The following UPF2 variants were observed in gnomAD, a reference collection of about 807,000 sequenced individuals.
The protein encoded by UPF2 is UPF2 regulator of nonsense mediated mRNA decay, also known as regulator of nonsense transcripts 2.
A neutral mutation model predicts 141.4 loss-of-function variants in UPF2; 17 were observed. That is an observed-to-expected ratio of 0.12 (90% CI 0.08 to 0.18). The LOEUF is 0.18. UPF2 is among the 10% of genes least tolerant of loss of function. The probability of loss-of-function intolerance (pLI) is 1.00; values close to 1 mark genes in which losing one functional copy is unlikely to be tolerated. For synonymous variants in UPF2, 540 were observed against 498.0 expected (o/e 1.08, Z -1.12); for missense variants, 1,152 against 1,515.9 (o/e 0.76, Z 3.99).
chr10:11,983,275 A>G (rs185457180), intron 8 of UPF2, among the ~76,000 whole-genome samples: 18 of 152,320 alleles, frequency 1.2e-4, no homozygotes, highest in Admixed American at 7.2e-4. Flanking sequence ...TCACATAGTT[A>G]CTTACTCTCC....
chr10:12,028,045 C>T (rs1254202034), intron 3 of UPF2, among the ~76,000 whole-genome samples: 2 of 152,188 alleles, frequency 1.3e-5, no homozygotes, highest in Non-Finnish European at 2.9e-5. Context: ...GCAACTCCAT[C>T]AACTTCTAGC....
intron 2 of UPF2, among the ~76,000 whole-genome samples, chr10:12,033,022 GA>G (rs1834555385): frequency 6.6e-6 from 1 of 152,104 alleles, no homozygotes; most frequent in Non-Finnish European, 1.5e-5. Flanking sequence ...AAAATGGGAA[GA>G]AAGTAGAAGT....
chr10:11,984,067 G>A (rs979281506), intron 8 of UPF2, among the ~76,000 whole-genome samples: 2 of 152,050 alleles, frequency 1.3e-5, no homozygotes, highest in Non-Finnish European at 2.9e-5. Context: ...GGGATTACAG[G>A]TATGCACCAC....
chr10:11,944,856 G>C (rs913403152), intron 16 of UPF2, among the ~76,000 whole-genome samples: 1 of 152,174 alleles, frequency 6.6e-6, no homozygotes, highest in African/African-American at 2.4e-5. Flanking sequence ...CAAAACCTAA[G>C]CAGGCTAGGG....
At chr10:11,978,078 C>T (rs571415437) in intron 9 of UPF2, among the ~76,000 whole-genome samples, 2 of 152,308 alleles carry the variant, frequency 1.3e-5, no homozygotes, top group South Asian at 4.1e-4. Flanking sequence ...GGCAATTCAC[C>T]ATGCAATTCC....
rs1833955494 is a variant in UPF2, at chr10:12,001,712, C to T, written c.1618G>A (p.Ala540Thr). 2 of 1,606,564 alleles carry T rather than the reference C, an allele frequency of 1.2e-6. No individual in the cohort carries two copies. The highest frequency in any genetic ancestry group is 1.7e-6 in the Non-Finnish European group (2 of 1,178,134). ...DTLELEGGDEAEDLTKKLLDE... is the reference protein window; with the variant it reads ...DTLELEGGDETEDLTKKLLDE... Reference sequence around the variant, plus strand: ...AGAAGTTTCTTTGTAAGATCTTCAGCTTCATCTCCACCCTCTAATTCTAAG... The same window carrying T: ...AGAAGTTTCTTTGTAAGATCTTCAGTTTCATCTCCACCCTCTAATTCTAAG... The change falls in exon 6 of 22, where the codon GCT (alanine) becomes ACT (threonine). Residue 540 changes from alanine (A) to threonine (T), a missense_variant. Coordinates refer to ENST00000357604, the MANE Select transcript of UPF2 (RefSeq NM_015542.4).
At chr10:11,978,183 C>T (rs955095287) in intron 9 of UPF2, among the ~76,000 whole-genome samples, 1 of 152,188 alleles carries the variant, frequency 6.6e-6, no homozygotes, top group Non-Finnish European at 1.5e-5. Context: ...TCTGTTCTTG[C>T]GAGAGCTTGG....
chr10:11,923,028 T>C (rs1181915274), intron 21 of UPF2, among the ~76,000 whole-genome samples: 1 of 152,064 alleles, frequency 6.6e-6, no homozygotes, highest in Non-Finnish European at 1.5e-5. Context: ...AGCAAGAACC[T>C]GTCTCAAAAA....
intron 9 of UPF2, among the ~76,000 whole-genome samples, chr10:11,972,794 T>C (rs1025428008): frequency 1.3e-5 from 2 of 152,176 alleles, no homozygotes; most frequent in Non-Finnish European, 2.9e-5. Flanking sequence ...TGATGGGCAT[T>C]TGGGTTGGTT....
intron 2 of UPF2, among the ~76,000 whole-genome samples, chr10:12,031,465 T>A (rs1834523214): frequency 6.6e-6 from 1 of 151,908 alleles, no homozygotes; most frequent in Non-Finnish European, 1.5e-5. Flanking sequence ...TAGGCACGAG[T>A]GAGGGGCAAC....
intron 15 of UPF2, among the ~76,000 whole-genome samples, chr10:11,949,658 C>T (rs977392321): frequency 2.0e-5 from 3 of 152,140 alleles, no homozygotes; most frequent in African/African-American, 7.2e-5. Context: ...CCTGTTCATG[C>T]ATAGAATCTT....
intron 8 of UPF2, among the ~76,000 whole-genome samples, chr10:11,986,137 G>A (rs1270462778): frequency 1.3e-5 from 2 of 151,916 alleles, no homozygotes; most frequent in Non-Finnish European, 2.9e-5. Flanking sequence ...GCCCGCCTCA[G>A]CCTCCCAAAG....
Position 11,926,786 on chromosome 10 carries a change from C to A in UPF2, c.3809+3079G>T, listed in dbSNP as rs560336040. On this transcript the variant is annotated intron_variant, in intron 21 of 21. Transcript: ENST00000357604. ...GCTGTGACTTGGCAGGGGTAAGCCACCCAAGTGGGAGCAAGGAAGAAGGGG... is the reference window on the plus strand; with the variant it reads ...GCTGTGACTTGGCAGGGGTAAGCCAACCAAGTGGGAGCAAGGAAGAAGGGG... 7.9e-5 allele frequency among the ~76,000 whole-genome samples: 12 copies of A among 152,270 alleles called. No individual in the cohort carries two copies. The East Asian group carries it at 2.3e-3, about 29-fold the overall frequency.
chr10:11,937,306 T>C (rs1485920060), intron 18 of UPF2, among the ~76,000 whole-genome samples: 1 of 152,206 alleles, frequency 6.6e-6, no homozygotes, highest in Non-Finnish European at 1.5e-5. Flanking sequence ...TTGGAGATAG[T>C]AATGTTAAAA....
intron 9 of UPF2, among the ~76,000 whole-genome samples, chr10:11,977,636 A>G (rs2131224763): frequency 6.6e-6 from 1 of 152,328 alleles, no homozygotes. Flanking sequence ...CATACTGTCC[A>G]CTAGTAAAAC....
intron 21 of UPF2, among the ~76,000 whole-genome samples, chr10:11,927,147 G>A (rs1266122663): frequency 1.3e-5 from 2 of 152,198 alleles, no homozygotes; most frequent in African/African-American, 4.8e-5. Flanking sequence ...CTTCCACAGT[G>A]CAGTCCTGGA....
chr10:11,972,858 C>G (rs1430951452), intron 9 of UPF2, among the ~76,000 whole-genome samples: 2 of 151,830 alleles, frequency 1.3e-5, no homozygotes, highest in Non-Finnish European at 2.9e-5. Flanking sequence ...GTGCGTGTGT[C>G]TTTATAGCAG....
chr10:11,990,793 CCTGG>C (rs1234873560), intron 8 of UPF2, among the ~76,000 whole-genome samples: 3 of 151,712 alleles, frequency 2.0e-5, no homozygotes, highest in African/African-American at 7.3e-5. Context: ...TCGAGACCAT[CCTGG>C]CTAACATGGT....
rs1430926019 is a variant in UPF2, at chr10:11,935,401, G to A, written c.3546+1144C>T. Among the ~76,000 whole-genome samples, 1 of 152,152 alleles carries A rather than the reference G, an allele frequency of 6.6e-6. No individual in the cohort carries two copies. The highest frequency in any genetic ancestry group is 1.5e-5 in the Non-Finnish European group (1 of 68,022). ...TTAAATGACTGTGTAGACGAATGTGGTATTGGACTTGTCTAAGATAACTGT... is the reference window on the plus strand; with the variant it reads ...TTAAATGACTGTGTAGACGAATGTGATATTGGACTTGTCTAAGATAACTGT... On this transcript the variant is annotated intron_variant, in intron 19 of 21. Transcript: ENST00000357604. The surrounding 1 kb of genome is among the most constrained non-coding windows in gnomAD (Gnocchi z 4.9).
Sources: allele counts gnomAD v4.1 joint callset (sites outside exome capture counted in the v4.1 genomes callset), GRCh38; gene constraint gnomAD v4.1.1; non-coding constraint Gnocchi (gnomAD v3.1); transcripts MANE v1.5; gene names NCBI Gene and HGNC (gene_info 2026-07-23, HGNC 2026-07-21).